INCENP: variants seen among roughly 807,000 people sequenced by gnomAD.
The protein encoded by INCENP is binds and activates aurora-B and -C in vivo and in vitro.
A neutral mutation model predicts 107.3 loss-of-function variants in INCENP; 43 were observed. The observed-to-expected ratio is 0.40, with a 90% CI of 0.31 to 0.52. The LOEUF (loss-of-function observed/expected upper bound fraction) is 0.52. Ranked by LOEUF, INCENP falls within the 20% of genes least tolerant of loss-of-function variation. INCENP has a pLI of 0.53. For missense variants in INCENP, 1,089 were observed against 1,250.9 expected, an observed-to-expected ratio of 0.87 and a Z score of 1.95; for synonymous variants, 488 against 494.4, an observed-to-expected ratio of 0.99 and a Z score of 0.17.
In INCENP at chr11:62,151,905, G is replaced by C. The variant is rs757470362; in HGVS notation, c.2686G>C (p.Val896Leu). ...PRYHKRTSSA[V>L]WNSPPLQGAR... ...CTATCACAAGCGCACCAGCTCTGCT[G>C]TCTGGAACTCACCGCCCCTGCAGGG... Residue 896 changes from valine (V) to leucine (L), a missense_variant, in exon 19 of 19, where the codon GTC becomes CTC. Coordinates refer to ENST00000394818, the MANE Select transcript of INCENP (RefSeq NM_001040694.2). 4.3e-6 allele frequency: 7 copies of C among 1,613,980 alleles called. No individual in the cohort carries two copies. The South Asian group carries it at 6.6e-5, about 15-fold the overall frequency.
intron 15 of INCENP, 42 bp from the exon 16 acceptor site, chr11:62,148,434 G>A (rs754111991): frequency 1.9e-6 from 3 of 1,557,488 alleles, no homozygotes; most frequent in Admixed American, 3.8e-5. Context: ...CTTGGGCTGG[G>A]CCTCCACTTC....
intron 1 of INCENP, among the ~76,000 whole-genome samples, chr11:62,127,466 C>A (rs1341685582): frequency 2.0e-5 from 3 of 152,198 alleles, no homozygotes; most frequent in African/African-American, 4.8e-5. Flanking sequence ...CTTACTGTTC[C>A]CTTCTTGTTC....
intron 11 of INCENP, among the ~76,000 whole-genome samples, chr11:62,143,508 T>C (rs947078914): frequency 6.6e-6 from 1 of 152,110 alleles, no homozygotes; most frequent in African/African-American, 2.4e-5. Context: ...ATCTGCCTGC[T>C]CCTCTTTAGT....
intron 2 of INCENP, among the ~76,000 whole-genome samples, 163 bp downstream of exon 2, chr11:62,128,464 T>C (rs1314598747): frequency 3.9e-5 from 6 of 152,216 alleles, no homozygotes; most frequent in African/African-American, 1.4e-4. Flanking sequence ...GGGCCTGACC[T>C]AGTGTCATGG....
chr11:62,134,067 G>A (rs1381725706), intron 4 of INCENP, among the ~76,000 whole-genome samples: 1 of 152,168 alleles, frequency 6.6e-6, no homozygotes, highest in African/African-American at 2.4e-5. Context: ...CTAGACCAGT[G>A]GCACTGGGAA....
rs746244097 is a variant in INCENP, at chr11:62,128,310, G to C, written c.140+9G>C. 3.1e-6 allele frequency: 5 copies of C among 1,613,940 alleles called. No individual in the cohort carries two copies. Among genetic ancestry groups the C allele is most frequent in the Non-Finnish European group, 4.2e-6 (5 of 1,179,978 alleles). The stretch of plus-strand genomic sequence containing the variant: ...GAGCGCATGTTCACCAGGTGAAGAC[G>C]GGCACAGTGAGAGGCTGGGAACACC... On this transcript the variant is annotated intron_variant, in intron 2 of 18. Transcript: ENST00000394818.
At chr11:62,151,147 A>C (rs77126025) in intron 18 of INCENP, among the ~76,000 whole-genome samples, 6,332 of 152,296 alleles carry the variant, frequency 0.042, 457 homozygotes, top group African/African-American at 0.14. Context: ...GACAAGACCC[A>C]GCTGAGGAGT....
chr11:62,141,319 T>C (rs1010475664), intron 10 of INCENP, among the ~76,000 whole-genome samples, 181 bp from the exon 11 acceptor site: 4 of 151,894 alleles, frequency 2.6e-5, no homozygotes, highest in Admixed American at 6.6e-5. Flanking sequence ...AGGTGAGAGG[T>C]ACTTGTGGAC....
chr11:62,130,010 C>G lies in INCENP; in HGVS notation c.483C>G (p.Thr161=), dbSNP rs775661936. The G allele has an allele frequency of 1.9e-6, 3 of 1,614,104 alleles. No individual in the cohort carries two copies. The highest frequency in any genetic ancestry group is 1.7e-6 in the Non-Finnish European group (2 of 1,180,014). ...CTAAGAAGCCCGAGGATAACCACAC[C>G]CAGTGCCAGCTGGTGCCTGTGGTGG... ...MLTKKPEDNH[T]QCQLVPVVEI... Residue 161 remains threonine (T), a synonymous_variant, in exon 4 of 19, where the codon ACC becomes ACG. Transcript: ENST00000394818.
At chr11:62,147,051 C>A (rs991866079) in intron 15 of INCENP, 149 bp downstream of exon 15, 1 of 1,293,472 alleles carries the variant, frequency 7.7e-7, no homozygotes, top group Admixed American at 2.2e-5. Flanking sequence ...GAATACACTG[C>A]CCATTGGCTA....
chr11:62,152,110 G>C lies in INCENP; in HGVS notation c.*134G>C. The C allele has an allele frequency of 1.8e-6, 1 of 552,972 alleles. No individual in the cohort carries two copies. The highest frequency in any genetic ancestry group is 3.0e-6 in the Non-Finnish European group (1 of 332,622). The allele number at this position is 552,972 out of a possible 1,614,324, so 34.3% of individuals were successfully genotyped here. On this transcript the variant is annotated 3_prime_UTR_variant, in exon 19 of 19. Transcript: ENST00000394818. ...AGGGCTTGGCCAGGTGTATATAAAC[G>C]TCCTCTGTGCTGGGTGTTTCTGCTG...
intron 11 of INCENP, among the ~76,000 whole-genome samples, chr11:62,144,351 A>G (rs904001509): frequency 1.3e-5 from 2 of 152,106 alleles, no homozygotes; most frequent in Non-Finnish European, 2.9e-5. Flanking sequence ...AAAAAAAAGA[A>G]AAAAAAGTGC....
rs755677940 is a variant in INCENP at position 62,140,990 on chromosome 11, C to T, written c.1539C>T (p.Arg513=). The T allele has an allele frequency of 1.2e-6, 2 of 1,614,240 alleles. No homozygotes were observed. Among genetic ancestry groups the T allele is most frequent in the Non-Finnish European group, 1.7e-6 (2 of 1,180,048 alleles). The stretch of plus-strand genomic sequence containing the variant: ...TCATGACCCCGACCTCAGCCCCACG[C>T]AGCGTCATGAAGTCCTTTATTAAGC... ...QMLMTPTSAP[R]SVMKSFIKRN... is the part of the protein sequence containing the mutation. Residue 513 remains arginine (R), a synonymous_variant, in exon 10 of 19, where the codon CGC becomes CGT. Coordinates refer to ENST00000394818, the MANE Select transcript of INCENP (RefSeq NM_001040694.2).
chr11:62,151,680 G>T, intron 18 of INCENP, 82 bp from the exon 19 acceptor site: 1 of 1,187,250 alleles, frequency 8.4e-7, no homozygotes, highest in Non-Finnish European at 1.2e-6. Context: ...GTTGGAGAGG[G>T]TGACAGGGCT....
At position 62,146,862 on chromosome 11, in the gene INCENP, C is replaced by G. The variant is rs1314630540; in HGVS notation, c.2164C>G (p.Gln722Glu). 3 of 1,587,140 alleles carry G rather than the reference C, an allele frequency of 1.9e-6. No homozygotes were observed. The South Asian group carries it at 3.4e-5, about 18-fold the overall frequency. Reference sequence around the variant, plus strand: ...CGAGCAGGAGCGACAGCTGGCAGAGCAGGAGCGTCGGCGGGAGCAGGAGCG... The same window carrying G: ...CGAGCAGGAGCGACAGCTGGCAGAGGAGGAGCGTCGGCGGGAGCAGGAGCG... ...RREQERQLAE[Q>E]ERRREQERLQ... Residue 722 changes from glutamine to glutamate, a missense_variant, in exon 15 of 19, where the codon CAG (glutamine) becomes GAG (glutamate). Transcript: ENST00000394818.
chr11:62,133,077 TG>T (rs528166234), intron 4 of INCENP, among the ~76,000 whole-genome samples: 13 of 151,290 alleles, frequency 8.6e-5, no homozygotes, highest in Non-Finnish European at 1.5e-4. Context: ...TGTCAGGGAG[TG>T]GGGCGGTGAC....
rs1366501119 is a variant in INCENP at position 62,151,958 on chromosome 11, C to T, written c.2739C>T (p.Tyr913=). The T allele has an allele frequency of 2.5e-6, 4 of 1,610,728 alleles. No homozygotes were observed. The highest frequency in any genetic ancestry group is 1.3e-5 in the African/African-American group (1 of 74,942). ...CCAGGGTCCCCAGCAGCCTGGCCTA[C>T]AGCCTGAAGAAGCACTGAGGCTGGC... is the stretch of plus-strand genomic sequence containing the variant. ...QGARVPSSLA[Y]SLKKH Residue 913 remains tyrosine, a synonymous_variant, in exon 19 of 19, where the codon TAC becomes TAT. Transcript: ENST00000394818.
At chr11:62,130,707 G>A (rs1297207322) in intron 4 of INCENP, 117 bp downstream of exon 4, 2 of 885,430 alleles carry the variant, frequency 2.3e-6, no homozygotes, top group Non-Finnish European at 3.5e-6. Flanking sequence ...TGAGGTAGAT[G>A]TTACACATCT....
rs115994747 is a variant in INCENP at position 62,147,993 on chromosome 11, A to C, written c.2205-483A>C. 1.7e-3 allele frequency among the ~76,000 whole-genome samples: 256 copies of C among 152,282 alleles called. 2 individuals are homozygous for C. Among genetic ancestry groups the C allele is most frequent in the African/African-American group, 5.8e-3 (239 of 41,544 alleles). ...GGGAGCCATCAGCTCCACTTCACAC[A>C]GGGGGAAACAGGTCCAGAGAGGTTA... On this transcript the variant is annotated intron_variant, in intron 15 of 18. Coordinates refer to ENST00000394818, the MANE Select transcript of INCENP (RefSeq NM_001040694.2).
Sources: gnomAD v4.1 joint callset for allele counts (sites outside exome capture counted in the v4.1 genomes callset) on GRCh38, gnomAD v4.1.1 for gene constraint, MANE v1.5 for transcripts, NCBI Gene and HGNC (gene_info 2026-07-23, HGNC 2026-07-21) for gene names.